The following ANTXR1 variants were observed in gnomAD, a reference collection of about 807,000 sequenced individuals.
ANTXR1 encodes anthrax toxin receptor 1.
Under a neutral mutation model 78.1 loss-of-function variants are expected in ANTXR1, and 19 were observed. The ratio of observed to expected loss-of-function variants is 0.24; its 90% CI spans 0.17 to 0.36. ANTXR1 has a LOEUF of 0.36. Ranked by LOEUF, ANTXR1 falls within the 10% of genes least tolerant of loss-of-function variation. The pLI is 1.00. For synonymous variants in ANTXR1, 273 were observed against 260.5 expected (o/e 1.05, Z -0.46); for missense variants, 518 against 718.6 (o/e 0.72, Z 3.19).
At chr2:69,066,431 G>A (rs1329024738) in intron 3 of ANTXR1, among the ~76,000 whole-genome samples, 1 of 151,998 alleles carries the variant, frequency 6.6e-6, no homozygotes, top group South Asian at 2.1e-4. Context: ...TAGTAGATGG[G>A]ATTACAGGCA....
chr2:69,108,639 G>A (rs575879372), intron 10 of ANTXR1, among the ~76,000 whole-genome samples: 1 of 152,130 alleles, frequency 6.6e-6, no homozygotes, highest in East Asian at 1.9e-4. Context: ...CCTCTAGTAG[G>A]CCCCAGTGTG....
At chr2:69,096,297 GGAGGA>G (rs1671408168) in intron 9 of ANTXR1, among the ~76,000 whole-genome samples, 2 of 2,438 alleles carry the variant, frequency 8.2e-4, no homozygotes, top group East Asian at 0.043. Context: ...AGGGAGGAAG[GGAGGA>G]AGGGAGGAAG....
chr2:69,183,588 T>TG (rs1674338375), intron 16 of ANTXR1, among the ~76,000 whole-genome samples: 4 of 135,372 alleles, frequency 3.0e-5, no homozygotes, highest in African/African-American at 1.3e-4. Context: ...TTTTTTTTTT[T>TG]TTTTTTTTTT....
At chr2:69,174,892 A>G (rs1488380029) in intron 14 of ANTXR1, among the ~76,000 whole-genome samples, 1 of 152,220 alleles carries the variant, frequency 6.6e-6, no homozygotes, top group African/African-American at 2.4e-5. Context: ...ATGAACCCCT[A>G]CCTTATAGAT....
intron 1 of ANTXR1, among the ~76,000 whole-genome samples, chr2:69,014,828 T>C (rs75098614): frequency 6.6e-6 from 1 of 152,224 alleles, no homozygotes; most frequent in Non-Finnish European, 1.5e-5. Context: ...GTTTGATTTT[T>C]CCGTAAAGGC....
intron 3 of ANTXR1, among the ~76,000 whole-genome samples, chr2:69,048,092 A>T (rs1669825412): frequency 6.6e-6 from 1 of 152,228 alleles, no homozygotes; most frequent in Non-Finnish European, 1.5e-5. Context: ...TAACTACTGC[A>T]TATGAGTCCC....
intron 17 of ANTXR1, among the ~76,000 whole-genome samples, chr2:69,240,549 A>AG (rs1290171247): frequency 1.3e-5 from 2 of 152,198 alleles, no homozygotes; most frequent in East Asian, 3.8e-4. Context: ...AAGAATTTTG[A>AG]GCTGGAGAGT....
intron 17 of ANTXR1, among the ~76,000 whole-genome samples, chr2:69,198,856 A>G (rs2104482694): frequency 6.6e-6 from 1 of 152,296 alleles, no homozygotes; most frequent in Non-Finnish European, 1.5e-5. Flanking sequence ...TATGGGCCAT[A>G]TGTTATATTA....
Position 69,135,139 on chromosome 2 carries a change from C to A in ANTXR1, c.951+10496C>A, listed in dbSNP as rs573688648. 9.7e-4 allele frequency: 271 copies of A among 280,092 alleles called. 3 individuals carry two copies. The highest frequency in any genetic ancestry group is 8.2e-3 in the South Asian group (252 of 30,726). 17.4% of individuals were successfully genotyped at this position (280,092 alleles called of 1,614,324 possible). A position where few individuals can be genotyped will look rare whatever the true frequency, so the allele number is the denominator to read the frequency against. On this transcript the variant is annotated intron_variant, in intron 12 of 17. Coordinates refer to ENST00000303714, the MANE Select transcript of ANTXR1 (RefSeq NM_032208.3). ...TCTCTATTTTGACAACCCTTGTAAC[C>A]CTTATATGTATAAAAATATCTTTTA...
chr2:69,038,417 A>G (rs1335250132), intron 1 of ANTXR1, among the ~76,000 whole-genome samples: 1 of 152,188 alleles, frequency 6.6e-6, no homozygotes, highest in Non-Finnish European at 1.5e-5. Flanking sequence ...TATAATGAAT[A>G]TCTCCTGTAT....
intron 9 of ANTXR1, among the ~76,000 whole-genome samples, chr2:69,102,095 C>G (rs1379042423): frequency 2.0e-5 from 3 of 152,184 alleles, no homozygotes; most frequent in East Asian, 3.8e-4. Flanking sequence ...CACTGAGGGG[C>G]TGATATCAAT....
At chr2:69,198,697 C>T (rs539099282) in intron 17 of ANTXR1, among the ~76,000 whole-genome samples, 1 of 152,116 alleles carries the variant, frequency 6.6e-6, no homozygotes, top group African/African-American at 2.4e-5. Context: ...GAGAAGCCTC[C>T]CCTACTTCAA....
chr2:69,222,658 G>A, intron 17 of ANTXR1, among the ~76,000 whole-genome samples: 1 of 152,226 alleles, frequency 6.6e-6, no homozygotes, highest in East Asian at 1.9e-4. Context: ...AGAAGGGGTG[G>A]AGAGCGAAAA....
In ANTXR1 at chr2:69,238,755, C is replaced by T. The variant is rs146057603; in HGVS notation, c.1435-6470C>T. Among the ~76,000 whole-genome samples the T allele has an allele frequency of 1.6e-4, 25 of 152,320 alleles. No homozygotes were observed. The East Asian group carries it at 4.6e-3, about 28-fold the overall frequency. On this transcript the variant is annotated intron_variant, in intron 17 of 17. Coordinates refer to ENST00000303714, the MANE Select transcript of ANTXR1 (RefSeq NM_032208.3). ...GAGAAAAGGTATTTGTCAGAGGAAA[C>T]TTGGCATGTATGTTATACTTTTACG...
intron 12 of ANTXR1, among the ~76,000 whole-genome samples, chr2:69,131,746 G>T (rs1342744091): frequency 2.0e-5 from 3 of 152,178 alleles, no homozygotes; most frequent in Admixed American, 6.5e-5. Context: ...AAGAAAAGGA[G>T]CCAGAAGGAG....
chr2:69,092,341 G>A (rs1671268417), intron 9 of ANTXR1, among the ~76,000 whole-genome samples: 1 of 152,148 alleles, frequency 6.6e-6, no homozygotes, highest in Non-Finnish European at 1.5e-5. Flanking sequence ...GGAGTTAGGT[G>A]CACTAAAAAA....
At chr2:69,044,450 C>T (rs1669699442) in intron 2 of ANTXR1, among the ~76,000 whole-genome samples, 2 of 152,186 alleles carry the variant, frequency 1.3e-5, no homozygotes, top group South Asian at 4.1e-4. Context: ...TCAAACAGAA[C>T]ACAGGGCAAC....
In ANTXR1 at chr2:69,205,140, T is replaced by C. The variant is rs76118710; in HGVS notation, c.1434+11725T>C. ...GATAGTATGAGGGGGAGTTTGGAGTTCTCTGGGAGCATAGAGCCAGAAGAT... is the reference window on the plus strand; with the variant it reads ...GATAGTATGAGGGGGAGTTTGGAGTCCTCTGGGAGCATAGAGCCAGAAGAT... On this transcript the variant is annotated intron_variant, in intron 17 of 17. Coordinates refer to ENST00000303714, the MANE Select transcript of ANTXR1 (RefSeq NM_032208.3). Among the ~76,000 whole-genome samples the C allele has an allele frequency of 9.0e-3, 1,377 of 152,240 alleles. 18 individuals carry two copies. The highest frequency in any genetic ancestry group is 0.031 in the African/African-American group (1,274 of 41,534).
intron 3 of ANTXR1, among the ~76,000 whole-genome samples, chr2:69,049,879 C>T (rs747948492): frequency 6.6e-6 from 1 of 152,102 alleles, no homozygotes; most frequent in African/African-American, 2.4e-5. Flanking sequence ...TCTTCAAATG[C>T]GAGATTATTA....
Sources: gnomAD v4.1 joint callset for allele counts (sites outside exome capture counted in the v4.1 genomes callset) on GRCh38, gnomAD v4.1.1 for gene constraint, MANE v1.5 for transcripts, NCBI Gene and HGNC (gene_info 2026-07-23, HGNC 2026-07-21) for gene names.